The following MYH9 variants were observed in gnomAD, a reference collection of about 807,000 sequenced individuals.
MYH9 encodes myosin-9.
A neutral mutation model predicts 241.9 loss-of-function variants in MYH9; 29 were observed. The observed-to-expected ratio is 0.12, with a 90% CI of 0.09 to 0.16. The LOEUF is 0.16. Among genes scored for constraint, MYH9 ranks in the 10% least tolerant of loss-of-function variants. The pLI is 1.00. For missense variants in MYH9, 1,803 were observed against 2,595.5 expected, an observed-to-expected ratio of 0.69 and a Z score of 6.63; for synonymous variants, 1,047 against 1,062.6, an observed-to-expected ratio of 0.99 and a Z score of 0.29.
At position 36,295,150 on chromosome 22, in the gene MYH9, C is replaced by T. The variant is rs2016768976; in HGVS notation, c.3486-74G>A. ...GGCTGTCCCTGGGGCTCTTCCCTGA[C>T]CAAAGAGAGGCCTGGCCAGGGCACA... On this transcript the variant is annotated intron_variant, in intron 26 of 40. Coordinates refer to ENST00000216181, the MANE Select transcript of MYH9 (RefSeq NM_002473.6). The surrounding 1 kb of genome is among the most constrained non-coding windows in gnomAD (Gnocchi z 4.1). The T allele has an allele frequency of 6.2e-7, 1 of 1,605,774 alleles. No homozygotes were observed. The highest frequency in any genetic ancestry group is 1.3e-5 in the African/African-American group (1 of 74,896).
intron 1 of MYH9, among the ~76,000 whole-genome samples, chr22:36,370,621 T>TA (rs1363898823): frequency 2.0e-5 from 3 of 152,230 alleles, no homozygotes; most frequent in Admixed American, 2.0e-4. Context: ...ACCAGCTTTC[T>TA]ACAACAGTTC....
intron 1 of MYH9, among the ~76,000 whole-genome samples, chr22:36,373,093 T>C (rs2018113618): frequency 6.6e-6 from 1 of 152,246 alleles, no homozygotes; most frequent in African/African-American, 2.4e-5. Context: ...ACTAGGATTC[T>C]GAAACTTCCT....
chr22:36,354,260 C>T (rs1228996462), intron 1 of MYH9, among the ~76,000 whole-genome samples: 1 of 151,854 alleles, frequency 6.6e-6, no homozygotes, highest in Non-Finnish European at 1.5e-5. Context: ...GCAGTGGTGG[C>T]CCTGAGAGAA....
intron 2 of MYH9, 57 bp downstream of exon 2, chr22:36,348,841 GCCCCCC>G: frequency 9.6e-7 from 1 of 1,041,764 alleles, no homozygotes; most frequent in Non-Finnish European, 1.4e-6. Flanking sequence ...GGGAAGACCC[GCCCCCC>G]CCCCCCACCT....
chr22:36,352,131 T>C (rs1244835753), intron 1 of MYH9, among the ~76,000 whole-genome samples: 1 of 152,150 alleles, frequency 6.6e-6, no homozygotes, highest in African/African-American at 2.4e-5. Flanking sequence ...CAATTGTGCC[T>C]GGGGTCCCTC....
intron 3 of MYH9, among the ~76,000 whole-genome samples, chr22:36,340,458 C>T (rs1460968008): frequency 2.0e-5 from 3 of 151,512 alleles, no homozygotes; most frequent in Non-Finnish European, 2.9e-5. Flanking sequence ...GTCAGGAGTT[C>T]GAGTCCAGCC....
chr22:36,351,274 C>T (rs959033178), intron 1 of MYH9, among the ~76,000 whole-genome samples: 6 of 152,230 alleles, frequency 3.9e-5, no homozygotes, highest in Non-Finnish European at 7.3e-5. Context: ...GCCGGTGGCT[C>T]TGTTGACATT....
At chr22:36,315,554 C>A (rs777823108) in intron 12 of MYH9, among the ~76,000 whole-genome samples, 1 of 152,098 alleles carries the variant, frequency 6.6e-6, no homozygotes, top group Non-Finnish European at 1.5e-5. Flanking sequence ...ATCCTCCCAG[C>A]CTGGACAACA....
At position 36,285,110 on chromosome 22, in the gene MYH9, G is replaced by A. The variant is rs370598994; in HGVS notation, c.5483+11C>T. 12 of 1,613,136 alleles carry A rather than the reference G, an allele frequency of 7.4e-6. No homozygotes were observed. Among genetic ancestry groups the A allele is most frequent in the Non-Finnish European group, 1.0e-5 (12 of 1,179,834 alleles). Reference sequence around the variant, plus strand: ...GGACAGCTGGGGTTGGGCGGGGCCAGGGGCACGTACTTGGTCTCGTTGTCC... The same window carrying A: ...GGACAGCTGGGGTTGGGCGGGGCCAAGGGCACGTACTTGGTCTCGTTGTCC... On this transcript the variant is annotated intron_variant, in intron 38 of 40. Transcript: ENST00000216181. This position sits in a 1 kb window ranked among gnomAD's most constrained non-coding sequence, Gnocchi z 7.0.
chr22:36,321,189 C>T (rs997822808), intron 7 of MYH9, among the ~76,000 whole-genome samples: 2 of 152,200 alleles, frequency 1.3e-5, no homozygotes, highest in South Asian at 4.1e-4. Context: ...AGGTGATCCA[C>T]CCACCTTAGC....
intron 1 of MYH9, among the ~76,000 whole-genome samples, chr22:36,373,146 C>T (rs2018114358): frequency 1.3e-5 from 2 of 152,146 alleles, no homozygotes; most frequent in African/African-American, 4.8e-5. Flanking sequence ...TGCTACCATT[C>T]TCACACCATC....
Position 36,295,031 on chromosome 22 carries a change from C to T in MYH9, c.3531G>A (p.Glu1177=). The T allele has an allele frequency of 6.2e-7, 1 of 1,614,186 alleles. No homozygotes were observed. Among genetic ancestry groups the T allele is most frequent in the South Asian group, 1.1e-5 (1 of 91,088 alleles). ...QEVNILKKTL[E]EEAKTHEAQI... is the part of the protein sequence containing the mutation. The stretch of plus-strand genomic sequence containing the variant: ...GGGCCTCGTGGGTCTTGGCCTCCTC[C>T]TCCAGGGTCTTCTTCAGGATGTTCA... The change falls in exon 27 of 41, where the codon GAG becomes GAA. Residue 1177 remains glutamate, a synonymous_variant. Coordinates refer to ENST00000216181, the MANE Select transcript of MYH9 (RefSeq NM_002473.6). The surrounding 1 kb of genome is among the most constrained non-coding windows in gnomAD (Gnocchi z 4.1).
chr22:36,378,910 G>A (rs911545356), intron 1 of MYH9, among the ~76,000 whole-genome samples: 1 of 151,986 alleles, frequency 6.6e-6, no homozygotes, highest in Non-Finnish European at 1.5e-5. Flanking sequence ...GCGAAACCAG[G>A]GGCCAAGGTT....
At chr22:36,351,362 A>T (rs1431752481) in intron 1 of MYH9, among the ~76,000 whole-genome samples, 1 of 152,158 alleles carries the variant, frequency 6.6e-6, no homozygotes, top group African/African-American at 2.4e-5. Context: ...CCCTGAGAGC[A>T]GGCCGGGCTC....
intron 31 of MYH9, 129 bp downstream of exon 31, chr22:36,291,857 C>G: frequency 7.3e-7 from 1 of 1,372,632 alleles, no homozygotes; most frequent in Non-Finnish European, 1.0e-6. Context: ...GTCCTCTAAG[C>G]ACTGGCCCCG....
In MYH9 at chr22:36,380,570, G is replaced by A. The variant is rs533380897; in HGVS notation, c.-20+7237C>T. On this transcript the variant is annotated intron_variant, in intron 1 of 40. Coordinates refer to ENST00000216181, the MANE Select transcript of MYH9 (RefSeq NM_002473.6). ...AGCCTGGCCAACATGGTGAAACCCT[G>A]CCTCTACTAAAAATACAAAAATTAG... is the stretch of plus-strand genomic sequence containing the variant. 1.4e-4 allele frequency among the ~76,000 whole-genome samples: 21 copies of A among 152,146 alleles called. No homozygotes were observed. The South Asian group carries it at 2.5e-3, about 18-fold the overall frequency.
rs1454168105 is a variant in MYH9 at position 36,318,244 on chromosome 22, C to G, written c.1190G>C (p.Gly397Ala). The G allele has an allele frequency of 1.2e-6, 2 of 1,613,684 alleles. No individual in the cohort carries two copies. The highest frequency in any genetic ancestry group is 1.7e-6 in the Non-Finnish European group (2 of 1,180,030). Residue 397 changes from glycine to alanine, a missense_variant, in exon 11 of 41, where the codon GGA becomes GCA. Gly to Ala is a moderately conservative substitution (Grantham distance 60, BLOSUM62 0). Transcript: ENST00000216181. ...RGILTPRIKV[G>A]RDYVQKAQTK... Reference sequence around the variant, plus strand: ...CTGCGCCTTCTGGACGTAATCCCGTCCCACCTTGATGCGCGGGGTGAGGAT... The same window carrying G: ...CTGCGCCTTCTGGACGTAATCCCGTGCCACCTTGATGCGCGGGGTGAGGAT...
rs890041464 is a variant in MYH9 at position 36,306,135 on chromosome 22, C to T, written c.2038-84G>A. The stretch of plus-strand genomic sequence containing the variant: ...AGTCAGGGAACCCCTATGAACCTGA[C>T]AGGGCAAGAGCCTAAGGGAGGGGGT... On this transcript the variant is annotated intron_variant, in intron 16 of 40. Coordinates refer to ENST00000216181, the MANE Select transcript of MYH9 (RefSeq NM_002473.6). The surrounding 1 kb of genome is among the most constrained non-coding windows in gnomAD (Gnocchi z 4.1). The T allele has an allele frequency of 2.5e-6, 4 of 1,595,844 alleles. No individual in the cohort carries two copies. The highest frequency in any genetic ancestry group is 2.2e-5 in the East Asian group (1 of 44,832).
intron 12 of MYH9, among the ~76,000 whole-genome samples, chr22:36,315,259 T>C (rs1480572388): frequency 6.6e-6 from 1 of 152,186 alleles, no homozygotes; most frequent in African/African-American, 2.4e-5. Context: ...GTGGTTTGTA[T>C]AGTTTGTTCA....
Sources: allele counts gnomAD v4.1 joint callset (sites outside exome capture counted in the v4.1 genomes callset), GRCh38; gene constraint gnomAD v4.1.1; non-coding constraint Gnocchi (gnomAD v3.1); transcripts MANE v1.5; gene names NCBI Gene and HGNC (gene_info 2026-07-23, HGNC 2026-07-21).